PCARE: variants seen among roughly 807,000 people sequenced by gnomAD.
The protein encoded by PCARE is photoreceptor cilium actin regulator, also known as uncharacterized protein C2orf71.
PCARE carries 72 observed loss-of-function variants against 82.2 expected under a neutral mutation model. The ratio of observed to expected loss-of-function variants is 0.88; its 90% confidence interval spans 0.72 to 1.07. The LOEUF is 1.07. Among genes scored for constraint, PCARE ranks in the 50% least tolerant of loss-of-function variants. The pLI is 0.00. For synonymous variants in PCARE, 705 were observed against 634.8 expected (o/e 1.11, Z -1.66); for missense variants, 1,768 against 1,592.4 (o/e 1.11, Z -1.88).
In PCARE at chr2:29,072,904, C is replaced by T. The variant is rs1159995432; in HGVS notation, c.1358G>A (p.Ser453Asn). The T allele has an allele frequency of 2.5e-6, 4 of 1,614,122 alleles. No homozygotes were observed. Among genetic ancestry groups the T allele is most frequent in the Non-Finnish European group, 3.4e-6 (4 of 1,180,026 alleles). The change falls in exon 1 of 2, where the codon AGC becomes AAC. Residue 453 changes from serine to asparagine, a missense_variant. Transcript: ENST00000331664. ...ITSPPLKLGTSTPCDSFGIGV... is the reference protein window; with the variant it reads ...ITSPPLKLGTNTPCDSFGIGV... ...AATCCCAAAGGAATCACATGGGGTG[C>T]TTGTCCCCAGCTTCAAAGGTGGGGA...
chr2:29,064,467 T>C lies in PCARE; in HGVS notation c.*402A>G, dbSNP rs1365621916. 3.5e-6 allele frequency: 1 copy of C among 284,234 alleles called. No individual in the cohort carries two copies. Among genetic ancestry groups the C allele is most frequent in the Non-Finnish European group, 6.8e-6 (1 of 147,732 alleles). 17.6% of individuals were successfully genotyped at this position (284,234 alleles called of 1,614,324 possible). Reference sequence around the variant, plus strand: ...TCTCCCCACACCTTCGGTTTTCATATGCGCAAAACTGAAGAATGCTATGTG... The same window carrying C: ...TCTCCCCACACCTTCGGTTTTCATACGCGCAAAACTGAAGAATGCTATGTG... On this transcript the variant is annotated 3_prime_UTR_variant, in exon 2 of 2. Transcript: ENST00000331664.
In PCARE at chr2:29,071,793, C is replaced by G. The variant is rs1353041924; in HGVS notation, c.2469G>C (p.Met823Ile). The G allele has an allele frequency of 6.2e-7, 1 of 1,613,652 alleles. No homozygotes were observed. Residue 823 changes from methionine to isoleucine, a missense_variant, in exon 1 of 2, where the codon ATG becomes ATC. Physicochemically the swap from Met to Ile is conservative, Grantham distance 10. Coordinates refer to ENST00000331664, the MANE Select transcript of PCARE (RefSeq NM_001029883.3). The part of the protein sequence containing the change: ...AAKSEELSCE[M>I]EGNLEHLPPP... ...GAGGGAGGTGCTCGAGGTTCCCCTC[C>G]ATTTCACAGCTGAGCTCCTCACTCT...
Position 29,073,735 on chromosome 2 carries a change from A to G in PCARE, c.527T>C (p.Phe176Ser). ...GTGGGCCTTTACCAGAGGCTCCGGGAAGTCCACTTTGCCTTCAGGCTCATG... is the reference window on the plus strand; with the variant it reads ...GTGGGCCTTTACCAGAGGCTCCGGGGAGTCCACTTTGCCTTCAGGCTCATG... ...PAHEPEGKVD[F>S]PEPLVKAHQQ... The change falls in exon 1 of 2, where the codon TTC becomes TCC. Residue 176 changes from phenylalanine to serine, a missense_variant. Physicochemically the swap from Phe to Ser is radical, Grantham distance 155 (BLOSUM62 -2). Transcript: ENST00000331664. 1 of 1,614,150 alleles carries G rather than the reference A, an allele frequency of 6.2e-7. No individual in the cohort carries two copies. The highest frequency in any genetic ancestry group is 1.3e-5 in the African/African-American group (1 of 75,016).
rs1572821693 is a variant in PCARE, at chr2:29,064,569, C to T, written c.*300G>A. ...AAACCCTATCAAGCATGCAACTATA[C>T]ATTCTCCACCCCCCACCCCACCCCA... On this transcript the variant is annotated 3_prime_UTR_variant, in exon 2 of 2. Coordinates refer to ENST00000331664, the MANE Select transcript of PCARE (RefSeq NM_001029883.3). The T allele has an allele frequency of 1.8e-6, 1 of 548,824 alleles. No individual in the cohort carries two copies. The highest frequency in any genetic ancestry group is 2.1e-5 in the South Asian group (1 of 47,016). 34.0% of individuals were successfully genotyped at this position (548,824 alleles called of 1,614,324 possible). A position where few individuals can be genotyped will look rare whatever the true frequency, so the allele number is the denominator to read the frequency against.
At chr2:29,066,629 G>A (rs1472027377) in intron 1 of PCARE, among the ~76,000 whole-genome samples, 1 of 152,220 alleles carries the variant, frequency 6.6e-6, no homozygotes, top group African/African-American at 2.4e-5. Flanking sequence ...GGGTAAGTGG[G>A]GTGGGCGCTA....
chr2:29,070,785 T>C lies in PCARE; in HGVS notation c.3477A>G (p.Pro1159=). 6.2e-7 allele frequency: 1 copy of C among 1,614,096 alleles called. No individual in the cohort carries two copies. The change falls in exon 1 of 2, where the codon CCA becomes CCG. Residue 1159 remains proline (P), a synonymous_variant. Transcript: ENST00000331664. ...CTGAGCTGTTCTTCCAGCATTCTGC[T>C]GGGTTCCCGAGAGGGCCCCCAGCCT... ...PPEAGGPLGN[P]AECWKNSSGP...
At position 29,074,264 on chromosome 2, in the gene PCARE, T is replaced by A; in HGVS notation, c.-3A>T. The A allele has an allele frequency of 6.6e-7, 1 of 1,525,198 alleles. No homozygotes were observed. Among genetic ancestry groups the A allele is most frequent in the Non-Finnish European group, 8.8e-7 (1 of 1,139,110 alleles). 94.5% of individuals were successfully genotyped at this position (1,525,198 alleles called of 1,614,324 possible). ...CTGTGTGAAGGTGTACACCCCATGA[T>A]TTCAGCTTGTAGTCATCTTCCACCC... On this transcript the variant is annotated 5_prime_UTR_variant, in exon 1 of 2. Coordinates refer to ENST00000331664, the MANE Select transcript of PCARE (RefSeq NM_001029883.3).
chr2:29,072,801 G>C lies in PCARE; in HGVS notation c.1461C>G (p.Ser487Arg). The part of the protein sequence containing the change: ...DASSLSDSED[S>R]SPEEEEEDKM... ...TGTCTTCCTCCTCCTCCTCTGGGCT[G>C]CTGTCCTCGCTGTCACTAAGAGATG... Residue 487 changes from serine to arginine, a missense_variant, in exon 1 of 2, where the codon AGC becomes AGG. Ser to Arg is a moderately radical substitution (Grantham distance 110, BLOSUM62 -1). Coordinates refer to ENST00000331664, the MANE Select transcript of PCARE (RefSeq NM_001029883.3). 1 of 1,614,162 alleles carries C rather than the reference G, an allele frequency of 6.2e-7. No individual in the cohort carries two copies. Among genetic ancestry groups the C allele is most frequent in the Non-Finnish European group, 8.5e-7 (1 of 1,180,032 alleles).
In PCARE at chr2:29,071,019, G is replaced by A. The variant is rs765398731; in HGVS notation, c.3243C>T (p.Ser1081=). Reference sequence around the variant, plus strand: ...ATGGGGAGGGAATCGAGAAAGGGGGGCTTGCTTCTGGGTGCTGGGTTGGGG... The same window carrying A: ...ATGGGGAGGGAATCGAGAAAGGGGGACTTGCTTCTGGGTGCTGGGTTGGGG... ...PSPPTQHPEA[S]PPFSIPSPSP... The change falls in exon 1 of 2, where the codon AGC becomes AGT. Residue 1081 remains serine, a synonymous_variant. Coordinates refer to ENST00000331664, the MANE Select transcript of PCARE (RefSeq NM_001029883.3). 3 of 1,468,658 alleles carry A rather than the reference G, an allele frequency of 2.0e-6. No homozygotes were observed. The highest frequency in any genetic ancestry group is 2.7e-6 in the Non-Finnish European group (3 of 1,092,526). 91.0% of individuals were successfully genotyped at this position (1,468,658 alleles called of 1,614,324 possible).
rs1667314466 is a variant in PCARE, at chr2:29,061,900, C to A, written c.*2969G>T. The stretch of plus-strand genomic sequence containing the variant: ...CCTCCTGCCACCAGCAATGCGTGCT[C>A]CAAGGCAGACTCAAGTTTGTGGAAG... On this transcript the variant is annotated 3_prime_UTR_variant, in exon 2 of 2. Coordinates refer to ENST00000331664, the MANE Select transcript of PCARE (RefSeq NM_001029883.3). 6.6e-6 allele frequency: 1 copy of A among 152,162 alleles called. No homozygotes were observed. The highest frequency in any genetic ancestry group is 1.5e-5 in the Non-Finnish European group (1 of 68,042). 9.4% of individuals were successfully genotyped at this position (152,162 alleles called of 1,614,324 possible).
At chr2:29,068,728 T>G (rs1305111995) in intron 1 of PCARE, among the ~76,000 whole-genome samples, 1 of 152,178 alleles carries the variant, frequency 6.6e-6, no homozygotes, top group Non-Finnish European at 1.5e-5. Flanking sequence ...ATTGCCCTGA[T>G]GAGAAAGGCA....
chr2:29,064,566 A>T lies in PCARE; in HGVS notation c.*303T>A, dbSNP rs1345656209. ...TTAAAACCCTATCAAGCATGCAACT[A>T]TACATTCTCCACCCCCCACCCCACC... On this transcript the variant is annotated 3_prime_UTR_variant, in exon 2 of 2. Coordinates refer to ENST00000331664, the MANE Select transcript of PCARE (RefSeq NM_001029883.3). The T allele has an allele frequency of 3.7e-6, 2 of 540,302 alleles. No homozygotes were observed. Among genetic ancestry groups the T allele is most frequent in the Non-Finnish European group, 6.7e-6 (2 of 299,284 alleles). The allele number at this position is 540,302 out of a possible 1,614,324, so 33.5% of individuals were successfully genotyped here. A position where few individuals can be genotyped will look rare whatever the true frequency, so the allele number is the denominator to read the frequency against.
rs559208791 is a variant in PCARE at position 29,066,608 on chromosome 2, G to T, written c.3669-1541C>A. The stretch of plus-strand genomic sequence containing the variant: ...GATCTGAACAAGATCGAGGTGGGTG[G>T]TAGGAGTCGTGGGTAAGTGGGGTGG... On this transcript the variant is annotated intron_variant, in intron 1 of 1. Transcript: ENST00000331664. Among the ~76,000 whole-genome samples the T allele has an allele frequency of 7.2e-5, 11 of 152,366 alleles. No individual in the cohort carries two copies. In the South Asian group the frequency reaches 2.3e-3, roughly 32 times the overall value.
rs1179719218 is a variant in PCARE at position 29,073,612 on chromosome 2, GGCTGCA to G, written c.644_649del (p.Leu215_Gln216del). ...GCACAGCAGCAAGAAGCTGACCATG[GGCTGCA>G]GCAGCTCCCGGGTCTGGGTGGCCTG... On this transcript the variant is annotated inframe_deletion, in exon 1 of 2. Transcript: ENST00000331664. The G allele has an allele frequency of 1.9e-6, 3 of 1,614,038 alleles. No individual in the cohort carries two copies. The highest frequency in any genetic ancestry group is 2.5e-6 in the Non-Finnish European group (3 of 1,180,038).
In PCARE at chr2:29,071,068, G is replaced by C. The variant is rs201528802; in HGVS notation, c.3194C>G (p.Pro1065Arg). Residue 1065 changes from proline to arginine, a missense_variant, in exon 1 of 2, where the codon CCT (proline) becomes CGT (arginine). By Grantham distance (103) the Pro-to-Arg change is moderately radical. Transcript: ENST00000331664. ...KLPNPPPESAPAQCKVPSPPT... is the reference protein window; with the variant it reads ...KLPNPPPESARAQCKVPSPPT... The stretch of plus-strand genomic sequence containing the variant: ...GGGGCTGGGGACCTTGCACTGAGCA[G>C]GTGCACTCTCGGGGGGAGGGTTGGG... The C allele has an allele frequency of 9.2e-5, 144 of 1,571,610 alleles. No homozygotes were observed. The highest frequency in any genetic ancestry group is 1.2e-4 in the Non-Finnish European group (141 of 1,159,362).
chr2:29,064,895 G>A lies in PCARE; in HGVS notation c.3841C>T (p.Gln1281Ter). 1 of 1,611,802 alleles carries A rather than the reference G, an allele frequency of 6.2e-7. No homozygotes were observed. Among genetic ancestry groups the A allele is most frequent in the African/African-American group, 1.3e-5 (1 of 74,994 alleles). Reference protein sequence around the residue: ...HIQDKSQPEAQPQQEEVS With the variant: ...HIQDKSQPEA Reference sequence around the variant, plus strand: ...CAGGACACCTCCTCTTGCTGGGGCTGCGCCTCTGGCTGGGATTTGTCCTGG... The same window carrying A: ...CAGGACACCTCCTCTTGCTGGGGCTACGCCTCTGGCTGGGATTTGTCCTGG... Residue 1281 changes from glutamine (Q) to a stop codon, truncating the protein, a stop_gained, in exon 2 of 2, where the codon CAG becomes TAG. Transcript: ENST00000331664. LOFTEE classifies it high-confidence loss of function.
At position 29,073,693 on chromosome 2, in the gene PCARE, T is replaced by C. The variant is rs1015216953; in HGVS notation, c.569A>G (p.Tyr190Cys). The change falls in exon 1 of 2, where the codon TAT becomes TGT. Residue 190 changes from tyrosine to cysteine, a missense_variant. Tyr to Cys is a radical substitution (Grantham distance 194). Transcript: ENST00000331664. Reference protein sequence around the residue: ...LVKAHQQAYTYLHSSLSKYEA... With the variant: ...LVKAHQQAYTCLHSSLSKYEA... ...ATATTTGGAGAGGCTGGAGTGTAGA[T>C]AGGTGTAAGCCTGCTGGTGGGCCTT... 9 of 1,613,942 alleles carry C rather than the reference T, an allele frequency of 5.6e-6. No individual in the cohort carries two copies. The African/African-American group carries it at 6.7e-5, about 12-fold the overall frequency.
Position 29,069,920 on chromosome 2 carries a change from C to T in PCARE, c.3668+674G>A, listed in dbSNP as rs148859155. 1.4e-4 allele frequency among the ~76,000 whole-genome samples: 22 copies of T among 152,238 alleles called. No homozygotes were observed. In the East Asian group the frequency reaches 4.2e-3, roughly 29 times the overall value. ...ACCAAATAGCTTGAGAACCTCCCAA[C>T]TAGATGCTGGTCTCCTGCGGGGAAC... On this transcript the variant is annotated intron_variant, in intron 1 of 1. Coordinates refer to ENST00000331664, the MANE Select transcript of PCARE (RefSeq NM_001029883.3).
In PCARE at chr2:29,065,059, T is replaced by TTG; in HGVS notation, c.3676_3677insCA (p.Glu1226AlafsTer89). ...CTCTGTGTCCTTCTTAGGGCTCTCC[T>TTG]CGCTGCTGCTGCCGAGAGAAAGGAC... On this transcript the variant is annotated frameshift_variant, in exon 2 of 2. Transcript: ENST00000331664. LOFTEE classifies it low-confidence loss of function (END_TRUNC). 1 of 1,525,316 alleles carries TTG rather than the reference T, an allele frequency of 6.6e-7. No individual in the cohort carries two copies. The highest frequency in any genetic ancestry group is 1.6e-5 in the African/African-American group (1 of 61,600). The allele number at this position is 1,525,316 out of a possible 1,614,324, so 94.5% of individuals were successfully genotyped here.
Sources: gnomAD v4.1 joint callset for allele counts (sites outside exome capture counted in the v4.1 genomes callset) on GRCh38, gnomAD v4.1.1 for gene constraint, MANE v1.5 for transcripts, NCBI Gene and HGNC (gene_info 2026-07-23, HGNC 2026-07-21) for gene names.